MAGI2: variants seen among roughly 807,000 people sequenced by gnomAD.
MAGI2 encodes the protein membrane associated guanylate kinase, WW and PDZ domain containing 2, also known as membrane-associated guanylate kinase, WW and PDZ domain-containing protein 2.
A neutral mutation model predicts 133.3 loss-of-function variants in MAGI2; 35 were observed. The observed-to-expected ratio is 0.26, with a 90% CI of 0.20 to 0.35. MAGI2 has a LOEUF of 0.35. Among genes scored for constraint, MAGI2 ranks in the 10% least tolerant of loss-of-function variants. The pLI is 1.00. For missense variants in MAGI2, 1,636 were observed against 1,863.4 expected (o/e 0.88, Z 2.25); for synonymous variants, 729 against 710.6 (o/e 1.03, Z -0.41).
intron 1 of MAGI2, among the ~76,000 whole-genome samples, chr7:79,358,785 C>T (rs1159993245): frequency 2.0e-5 from 3 of 152,108 alleles, no homozygotes. Context: ...ACTTCAGTGG[C>T]ACTAACAAAC....
chr7:78,348,352 T>C (rs1200494213), intron 7 of MAGI2: 1 of 152,220 alleles, frequency 6.6e-6, no homozygotes, highest in Non-Finnish European at 1.5e-5. Flanking sequence ...GTTTACAATG[T>C]TTACAATGTT....
At chr7:78,449,967 A>G (rs950888438) in intron 6 of MAGI2, among the ~76,000 whole-genome samples, 2 of 152,132 alleles carry the variant, frequency 1.3e-5, no homozygotes, top group African/African-American at 4.8e-5. Context: ...GATTACATCT[A>G]TAGCAGCAGT....
chr7:78,926,107 T>C (rs1464191707), intron 2 of MAGI2, among the ~76,000 whole-genome samples: 3 of 152,092 alleles, frequency 2.0e-5, no homozygotes, highest in Non-Finnish European at 1.5e-5. Flanking sequence ...CCTACCCCAA[T>C]GTTTCTCTCC....
intron 1 of MAGI2, among the ~76,000 whole-genome samples, chr7:79,315,228 G>T (rs1406445309): frequency 2.0e-5 from 3 of 148,554 alleles, no homozygotes; most frequent in Non-Finnish European, 4.4e-5. Flanking sequence ...GCATGATCTC[G>T]GCTCACTGCA....
intron 2 of MAGI2, among the ~76,000 whole-genome samples, chr7:78,760,937 C>A (rs903187544): frequency 6.6e-6 from 1 of 152,172 alleles, no homozygotes; most frequent in Non-Finnish European, 1.5e-5. Flanking sequence ...GTAGCCACAG[C>A]GTCTGTTTAT....
At chr7:78,055,793 TC>T (rs1812505226) in intron 21 of MAGI2, among the ~76,000 whole-genome samples, 1 of 152,116 alleles carries the variant, frequency 6.6e-6, no homozygotes, top group Admixed American at 6.5e-5. Context: ...TACTGATTGC[TC>T]CTTTAAGAAA....
At chr7:79,058,335 A>C (rs999399289) in intron 1 of MAGI2, among the ~76,000 whole-genome samples, 1 of 152,144 alleles carries the variant, frequency 6.6e-6, no homozygotes. Flanking sequence ...AATACACTTA[A>C]TAGAAAACTC....
At chr7:79,095,274 G>T (rs974732871) in intron 1 of MAGI2, among the ~76,000 whole-genome samples, 3 of 152,192 alleles carry the variant, frequency 2.0e-5, no homozygotes, top group African/African-American at 7.2e-5. Flanking sequence ...CAGTGCGGTG[G>T]CTTGTTTGAC....
chr7:78,208,332 A>G (rs1212864583), intron 10 of MAGI2, among the ~76,000 whole-genome samples: 4 of 152,154 alleles, frequency 2.6e-5, no homozygotes, highest in Non-Finnish European at 4.4e-5. Context: ...CCCAATGACT[A>G]TCAAAAGGAT....
chr7:79,072,981 T>C (rs1487421409), intron 1 of MAGI2, among the ~76,000 whole-genome samples: 1 of 152,116 alleles, frequency 6.6e-6, no homozygotes, highest in Non-Finnish European at 1.5e-5. Flanking sequence ...GGAAAAAGTA[T>C]GCATTTGACA....
At chr7:79,052,071 A>T (rs1000422410) in intron 1 of MAGI2, among the ~76,000 whole-genome samples, 5 of 152,090 alleles carry the variant, frequency 3.3e-5, no homozygotes, top group South Asian at 2.1e-4. Flanking sequence ...TCTCTCAGGG[A>T]GTGGGAATGT....
At position 79,133,861 on chromosome 7, in the gene MAGI2, T is replaced by A. The variant is rs1304522666; in HGVS notation, c.302-126655A>T. ...CAGGAAGGTTCCTTTGTATGCCCCA[T>A]GCCTAGTACTCCAGGGGTACCACTG... On this transcript the variant is annotated intron_variant, in intron 1 of 21. Coordinates refer to ENST00000354212, the MANE Select transcript of MAGI2 (RefSeq NM_012301.4). Among the ~76,000 whole-genome samples, 4 of 152,170 alleles carry A rather than the reference T, an allele frequency of 2.6e-5. No homozygotes were observed. The East Asian group carries it at 7.7e-4, about 29-fold the overall frequency.
intron 1 of MAGI2, among the ~76,000 whole-genome samples, chr7:79,287,745 G>A (rs1836128106): frequency 6.6e-6 from 1 of 152,012 alleles, no homozygotes; most frequent in Non-Finnish European, 1.5e-5. Context: ...TTTTATCTAG[G>A]ATAATGTAAA....
At chr7:78,387,394 T>C (rs1247678001) in intron 6 of MAGI2, among the ~76,000 whole-genome samples, 1 of 152,130 alleles carries the variant, frequency 6.6e-6, no homozygotes, top group Non-Finnish European at 1.5e-5. Context: ...CACATCACCA[T>C]AGGATACCTA....
chr7:78,475,622 G>A (rs1007791895), intron 6 of MAGI2, among the ~76,000 whole-genome samples: 2 of 151,730 alleles, frequency 1.3e-5, no homozygotes, highest in Non-Finnish European at 2.9e-5. Context: ...TAACATCATA[G>A]AAATAAAGCT....
intron 6 of MAGI2, among the ~76,000 whole-genome samples, chr7:78,408,273 T>C (rs1797569450): frequency 6.6e-6 from 1 of 152,062 alleles, no homozygotes; most frequent in Admixed American, 6.6e-5. Context: ...ATGCATATAC[T>C]TCTCATTTTT....
At chr7:79,352,330 G>A (rs1585673617) in intron 1 of MAGI2, among the ~76,000 whole-genome samples, 1 of 152,134 alleles carries the variant, frequency 6.6e-6, no homozygotes, top group South Asian at 2.1e-4. Flanking sequence ...GGAAATGGTG[G>A]TCAACCAAGC....
intron 2 of MAGI2, among the ~76,000 whole-genome samples, chr7:78,882,814 A>C (rs1005733281): frequency 6.6e-6 from 1 of 152,122 alleles, no homozygotes; most frequent in Non-Finnish European, 1.5e-5. Context: ...ACATCCCTTC[A>C]TGATAGACAC....
chr7:79,342,277 G>A (rs554890119), intron 1 of MAGI2, among the ~76,000 whole-genome samples: 51 of 152,328 alleles, frequency 3.3e-4, no homozygotes, highest in African/African-American at 1.1e-3. Context: ...CTTGTTATTC[G>A]TTCTCTGCAA....
Sources: gnomAD v4.1 joint callset for allele counts (sites outside exome capture counted in the v4.1 genomes callset) on GRCh38, gnomAD v4.1.1 for gene constraint, MANE v1.5 for transcripts, NCBI Gene and HGNC (gene_info 2026-07-23, HGNC 2026-07-21) for gene names.